STOX2: variants seen among roughly 807,000 people sequenced by gnomAD.
The protein encoded by STOX2 is storkhead box 2.
In STOX2, 28 loss-of-function variants were observed where a neutral mutation model predicts 60.9. That is an observed-to-expected ratio of 0.46 (90% CI 0.34 to 0.63). STOX2 has a LOEUF of 0.63. Ranked by LOEUF, STOX2 falls within the 30% of genes least tolerant of loss-of-function variation. The pLI, the probability that STOX2 is intolerant of heterozygous loss-of-function variation, is 0.01. For synonymous variants in STOX2, 472 were observed against 463.9 expected (o/e 1.02, Z -0.22); for missense variants, 1,024 against 1,187.7 (o/e 0.86, Z 2.03).
chr4:183,908,255 C>A (rs1300643350), intron 1 of STOX2, among the ~76,000 whole-genome samples: 1 of 152,216 alleles, frequency 6.6e-6, no homozygotes, highest in Non-Finnish European at 1.5e-5. Flanking sequence ...AAAGTGACAA[C>A]TACAGTTTAT....
At chr4:183,841,820 A>T (rs1425252513) in intron 1 of STOX2, among the ~76,000 whole-genome samples, 1 of 152,204 alleles carries the variant, frequency 6.6e-6, no homozygotes, top group Non-Finnish European at 1.5e-5. Context: ...CATAATCAAG[A>T]TATTGGAAAA....
chr4:183,852,992 G>A (rs548887818), intron 1 of STOX2, among the ~76,000 whole-genome samples: 1 of 152,270 alleles, frequency 6.6e-6, no homozygotes, highest in African/African-American at 2.4e-5. Flanking sequence ...TGAACCCGGG[G>A]CACTTTGGAG....
intron 1 of STOX2, among the ~76,000 whole-genome samples, chr4:184,000,735 A>G (rs1579529422): frequency 2.0e-5 from 3 of 148,594 alleles, no homozygotes; most frequent in Non-Finnish European, 3.0e-5. Context: ...CAGAGGTGTT[A>G]TCCTTCCTCG....
At chr4:183,952,835 T>TC (rs1743133477) in intron 1 of STOX2, among the ~76,000 whole-genome samples, 2 of 152,212 alleles carry the variant, frequency 1.3e-5, no homozygotes, top group South Asian at 4.1e-4. Context: ...GTGTGGTGTT[T>TC]CCCCATGGAA....
chr4:183,951,085 G>A (rs528025662), intron 1 of STOX2, among the ~76,000 whole-genome samples: 45 of 151,882 alleles, frequency 3.0e-4, no homozygotes, highest in African/African-American at 8.0e-4. Flanking sequence ...GCGTGGTGGC[G>A]GGCGCCTGTA....
chr4:183,939,579 C>T (rs574908432), intron 1 of STOX2, among the ~76,000 whole-genome samples: 16 of 152,100 alleles, frequency 1.1e-4, no homozygotes, highest in Admixed American at 4.6e-4. Context: ...CACCACTCAG[C>T]GACTACAGAT....
chr4:183,932,588 A>G (rs957204821), intron 1 of STOX2, among the ~76,000 whole-genome samples: 2 of 152,078 alleles, frequency 1.3e-5, no homozygotes, highest in Non-Finnish European at 2.9e-5. Flanking sequence ...TAACCTCAAC[A>G]TCAGCCTGCC....
intron 1 of STOX2, among the ~76,000 whole-genome samples, chr4:183,907,749 AC>A (rs1478464928): frequency 6.6e-6 from 1 of 152,204 alleles, no homozygotes; most frequent in Non-Finnish European, 1.5e-5. Context: ...TGATTTGGGA[AC>A]CCAGGGATGA....
chr4:183,798,555 G>T, intron 1 of STOX2: 2 of 930,782 alleles, frequency 2.1e-6, no homozygotes, highest in Non-Finnish European at 2.6e-6. Context: ...GGACGCGCCG[G>T]GAAGCTAGGG....
intron 1 of STOX2, among the ~76,000 whole-genome samples, chr4:183,805,487 C>T (rs1738868937): frequency 6.6e-6 from 1 of 152,082 alleles, no homozygotes; most frequent in African/African-American, 2.4e-5. Flanking sequence ...TTTAAGAAGG[C>T]CTTCTGTCAA....
chr4:183,845,404 A>C (rs1466742184), intron 1 of STOX2, among the ~76,000 whole-genome samples: 1 of 152,234 alleles, frequency 6.6e-6, no homozygotes, highest in Admixed American at 6.5e-5. Flanking sequence ...TGAAGATAGA[A>C]TATATCACAT....
intron 1 of STOX2, among the ~76,000 whole-genome samples, chr4:183,830,323 G>T (rs913594476): frequency 2.0e-5 from 3 of 152,124 alleles, no homozygotes; most frequent in African/African-American, 7.2e-5. Context: ...AAGCACATGG[G>T]GTTTTTACAC....
At chr4:184,012,153 A>T (rs368572072) in intron 3 of STOX2, among the ~76,000 whole-genome samples, 3 of 152,248 alleles carry the variant, frequency 2.0e-5, no homozygotes, top group East Asian at 3.8e-4. Context: ...TTGACAGTCA[A>T]GAGTTAGTGG....
At chr4:183,860,545 A>G (rs1740414270) in intron 1 of STOX2, among the ~76,000 whole-genome samples, 1 of 152,122 alleles carries the variant, frequency 6.6e-6, no homozygotes, top group African/African-American at 2.4e-5. Context: ...AAATCCTGAT[A>G]TGCTTTAAAA....
chr4:183,881,561 C>T (rs1027887516), intron 1 of STOX2, among the ~76,000 whole-genome samples: 3 of 152,156 alleles, frequency 2.0e-5, no homozygotes, highest in Admixed American at 2.0e-4. Context: ...ATTTTAAGCT[C>T]TTATATATTT....
intron 1 of STOX2, among the ~76,000 whole-genome samples, chr4:183,832,778 C>T (rs553752786): frequency 5.5e-4 from 84 of 152,078 alleles, no homozygotes; most frequent in Non-Finnish European, 9.1e-4. Flanking sequence ...GCGTGAGCCA[C>T]CACACCCAGC....
intron 1 of STOX2, among the ~76,000 whole-genome samples, chr4:183,869,145 T>C (rs1740635321): frequency 6.6e-6 from 1 of 152,212 alleles, no homozygotes; most frequent in Non-Finnish European, 1.5e-5. Flanking sequence ...TATGGTATGA[T>C]GTAGACTCTT....
intron 1 of STOX2, among the ~76,000 whole-genome samples, chr4:183,932,681 A>G (rs1229012780): frequency 6.6e-6 from 1 of 152,068 alleles, no homozygotes; most frequent in African/African-American, 2.4e-5. Flanking sequence ...TTAAGGGCTC[A>G]TGTCAGCCTT....
chr4:184,012,721 G>C (rs923123804), intron 3 of STOX2, among the ~76,000 whole-genome samples: 2 of 152,148 alleles, frequency 1.3e-5, no homozygotes, highest in Admixed American at 6.5e-5. Context: ...ATGGGCCCCA[G>C]TCCCTCTCCC....
Sources: allele counts gnomAD v4.1 joint callset (sites outside exome capture counted in the v4.1 genomes callset), GRCh38; gene constraint gnomAD v4.1.1; transcripts MANE v1.5; gene names NCBI Gene and HGNC (gene_info 2026-07-23, HGNC 2026-07-21).